Variants in MDGA2 observed in about 807,000 individuals in gnomAD.
MDGA2 encodes the protein MAM domain containing glycosylphosphatidylinositol anchor 2.
Under a neutral mutation model 117.8 loss-of-function variants are expected in MDGA2, and 40 were observed. The observed-to-expected ratio is 0.34, with a 90% CI of 0.26 to 0.44. The LOEUF is 0.44. Among genes scored for constraint, MDGA2 ranks in the 20% least tolerant of loss-of-function variants. MDGA2 has a pLI of 1.00. For synonymous variants in MDGA2, 452 were observed against 439.0 expected, an observed-to-expected ratio of 1.03 and a Z score of -0.37; for missense variants, 1,123 against 1,250.6, an observed-to-expected ratio of 0.90 and a Z score of 1.54.
At chr14:47,051,980 T>C (rs778336275) in intron 7 of MDGA2, among the ~76,000 whole-genome samples, 5 of 151,874 alleles carry the variant, frequency 3.3e-5, no homozygotes, top group Non-Finnish European at 4.4e-5. Context: ...AGCCTTAAAA[T>C]AATATGCTGT....
chr14:47,482,409 C>A (rs1893972637), intron 1 of MDGA2, among the ~76,000 whole-genome samples: 1 of 151,960 alleles, frequency 6.6e-6, no homozygotes, highest in Non-Finnish European at 1.5e-5. Context: ...GGAGGAAACA[C>A]CAAACGGAAA....
intron 8 of MDGA2, among the ~76,000 whole-genome samples, chr14:47,014,447 A>G (rs1171302703): frequency 6.6e-6 from 1 of 152,218 alleles, no homozygotes; most frequent in Non-Finnish European, 1.5e-5. Flanking sequence ...TTTTCTTTCA[A>G]TAGAAGGCTG....
At chr14:47,598,999 C>T (rs919076989) in intron 1 of MDGA2, among the ~76,000 whole-genome samples, 5 of 151,720 alleles carry the variant, frequency 3.3e-5, no homozygotes, top group Non-Finnish European at 7.4e-5. Context: ...GAATATATAC[C>T]TAGTTTAGTA....
chr14:47,007,335 T>C (rs1343094663), intron 8 of MDGA2, among the ~76,000 whole-genome samples: 1 of 151,868 alleles, frequency 6.6e-6, no homozygotes, highest in African/African-American at 2.4e-5. Flanking sequence ...TTCACATTGA[T>C]TCTACTTAAT....
intron 5 of MDGA2, among the ~76,000 whole-genome samples, chr14:47,124,671 A>C (rs1241964987): frequency 6.6e-6 from 1 of 152,028 alleles, no homozygotes; most frequent in Non-Finnish European, 1.5e-5. Flanking sequence ...TTTTACAGAG[A>C]GGTAACCAAG....
chr14:46,935,339 C>T (rs1449679357), intron 9 of MDGA2, among the ~76,000 whole-genome samples: 1 of 152,064 alleles, frequency 6.6e-6, no homozygotes, highest in Non-Finnish European at 1.5e-5. Context: ...CTACATATCC[C>T]GCACCTAAGA....
At chr14:47,396,407 C>A (rs770537722) in intron 1 of MDGA2, among the ~76,000 whole-genome samples, 3 of 152,134 alleles carry the variant, frequency 2.0e-5, no homozygotes, top group East Asian at 3.9e-4. Context: ...CTAGGCAATA[C>A]CATTCAGGAC....
chr14:47,453,239 G>T (rs1325725510), intron 1 of MDGA2, among the ~76,000 whole-genome samples: 1 of 151,414 alleles, frequency 6.6e-6, no homozygotes. Flanking sequence ...ATTAGGCCTG[G>T]GCTTTACTTT....
rs1407230372 is a variant in MDGA2, at chr14:47,456,168, C to T, written c.281-154618G>A. Reference sequence around the variant, plus strand: ...AAGGACAAGCCCTCTATTTCTATTGCCTTTTATATGACTTTAGGGGATATA... The same window carrying T: ...AAGGACAAGCCCTCTATTTCTATTGTCTTTTATATGACTTTAGGGGATATA... On this transcript the variant is annotated intron_variant, in intron 1 of 16. Coordinates refer to ENST00000399232, the MANE Select transcript of MDGA2 (RefSeq NM_001113498.3). Among the ~76,000 whole-genome samples, 3 of 151,824 alleles carry T rather than the reference C, an allele frequency of 2.0e-5. No homozygotes were observed. The East Asian group carries it at 5.8e-4, about 29-fold the overall frequency.
At chr14:46,935,066 T>C (rs1884729328) in intron 9 of MDGA2, among the ~76,000 whole-genome samples, 1 of 151,906 alleles carries the variant, frequency 6.6e-6, no homozygotes, top group African/African-American at 2.4e-5. Context: ...TTATTTCAAA[T>C]CTCACAACCA....
intron 7 of MDGA2, among the ~76,000 whole-genome samples, chr14:47,039,174 G>A (rs544579160): frequency 2.0e-4 from 30 of 151,928 alleles, no homozygotes; most frequent in Admixed American, 5.9e-4. Flanking sequence ...TCTGTTTTAC[G>A]TGTTGATAAT....
chr14:46,875,872 T>A (rs890203661), intron 12 of MDGA2, among the ~76,000 whole-genome samples: 2 of 151,688 alleles, frequency 1.3e-5, no homozygotes, highest in African/African-American at 4.8e-5. Flanking sequence ...ACTTTTTATA[T>A]GTTATTTAAA....
chr14:47,629,286 A>G (rs1483161434), intron 1 of MDGA2, among the ~76,000 whole-genome samples: 2 of 152,236 alleles, frequency 1.3e-5, no homozygotes, highest in African/African-American at 4.8e-5. Flanking sequence ...TTATATTAAT[A>G]GCAATTCTGA....
At chr14:47,470,050 T>C (rs1893688548) in intron 1 of MDGA2, among the ~76,000 whole-genome samples, 1 of 152,134 alleles carries the variant, frequency 6.6e-6, no homozygotes, top group Admixed American at 6.6e-5. Flanking sequence ...CAGTGGCAGC[T>C]AGGAGATTTT....
chr14:47,490,837 CAGT>C (rs752372193), intron 1 of MDGA2, among the ~76,000 whole-genome samples: 6 of 152,108 alleles, frequency 3.9e-5, no homozygotes, highest in Non-Finnish European at 8.8e-5. Flanking sequence ...CCTGATCCTC[CAGT>C]AGAATGAATT....
At chr14:47,300,348 A>G (rs1889234532) in intron 2 of MDGA2, among the ~76,000 whole-genome samples, 1 of 152,246 alleles carries the variant, frequency 6.6e-6, no homozygotes, top group Non-Finnish European at 1.5e-5. Flanking sequence ...GTCATTGACA[A>G]TAAGAATTAT....
rs551303733 is a variant in MDGA2, at chr14:47,197,319, G to A, written c.595+20702C>T. Among the ~76,000 whole-genome samples the A allele has an allele frequency of 2.6e-5, 4 of 152,142 alleles. No homozygotes were observed. The South Asian group carries it at 8.3e-4, about 32-fold the overall frequency. ...GGTGGAAGCCTCATGAAGGGGATTAGCATCCTTTTAAGAGATAGACCCTTG... is the reference window on the plus strand; with the variant it reads ...GGTGGAAGCCTCATGAAGGGGATTAACATCCTTTTAAGAGATAGACCCTTG... On this transcript the variant is annotated intron_variant, in intron 3 of 16. Coordinates refer to ENST00000399232, the MANE Select transcript of MDGA2 (RefSeq NM_001113498.3).
intron 1 of MDGA2, among the ~76,000 whole-genome samples, chr14:47,351,058 A>G (rs1342399822): frequency 4.1e-5 from 6 of 146,950 alleles, no homozygotes; most frequent in Non-Finnish European, 9.0e-5. Flanking sequence ...ACTACAGGTC[A>G]GTGCCACCAG....
chr14:47,019,834 G>C (rs1417595122), intron 8 of MDGA2, among the ~76,000 whole-genome samples: 10 of 138,262 alleles, frequency 7.2e-5, no homozygotes, highest in Non-Finnish European at 1.4e-4. Context: ...GCGAGAGTCC[G>C]TCTCAAAAAA....
Sources: allele counts gnomAD v4.1 joint callset (sites outside exome capture counted in the v4.1 genomes callset), GRCh38; gene constraint gnomAD v4.1.1; transcripts MANE v1.5; gene names NCBI Gene and HGNC (gene_info 2026-07-23, HGNC 2026-07-21).